MACROD2: variants seen among roughly 807,000 people sequenced by gnomAD.
MACROD2 encodes ADP-ribose glycohydrolase MACROD2.
In MACROD2, 36 loss-of-function variants were observed where a neutral mutation model predicts 70.4. The observed-to-expected ratio is 0.51, with a 90% CI of 0.39 to 0.68. MACROD2 has a LOEUF of 0.68. Among genes scored for constraint, MACROD2 ranks in the 30% least tolerant of loss-of-function variants. MACROD2 has a pLI of 0.00. For synonymous variants in MACROD2, 172 were observed against 178.8 expected (o/e 0.96, Z 0.30); for missense variants, 496 against 538.4 (o/e 0.92, Z 0.78).
intron 5 of MACROD2, among the ~76,000 whole-genome samples, chr20:14,956,186 G>T (rs567834707): frequency 6.6e-6 from 1 of 152,192 alleles, no homozygotes; most frequent in African/African-American, 2.4e-5. Context: ...TTGTTTACTT[G>T]CCCTATAACC....
chr20:14,625,338 AG>A (rs1984082200), intron 4 of MACROD2, among the ~76,000 whole-genome samples: 1 of 152,056 alleles, frequency 6.6e-6, no homozygotes, highest in Non-Finnish European at 1.5e-5. Context: ...AAAAAAAAGA[AG>A]AAAAAAAAGA....
intron 5 of MACROD2, among the ~76,000 whole-genome samples, chr20:14,972,182 C>A (rs2122804830): frequency 6.6e-6 from 1 of 152,344 alleles, no homozygotes. Context: ...GTAGGTAGAA[C>A]TGCCATAGTG....
At chr20:15,783,058 T>C (rs565036766) in intron 8 of MACROD2, among the ~76,000 whole-genome samples, 1 of 152,294 alleles carries the variant, frequency 6.6e-6, no homozygotes, top group East Asian at 1.9e-4. Context: ...AAATTTTCTT[T>C]TTTAGTTGCT....
intron 3 of MACROD2, among the ~76,000 whole-genome samples, chr20:14,487,049 A>G (rs2084743799): frequency 6.6e-6 from 1 of 152,204 alleles, no homozygotes; most frequent in African/African-American, 2.4e-5. Context: ...CATAGCAGTG[A>G]ACATCTCAGA....
chr20:14,938,003 GT>G (rs56254441), intron 5 of MACROD2, among the ~76,000 whole-genome samples: 16,060 of 135,708 alleles, frequency 0.12, 860 homozygotes, highest in East Asian at 0.2. Flanking sequence ...CAGATAACAA[GT>G]TTTTTTTTTT....
intron 8 of MACROD2, among the ~76,000 whole-genome samples, chr20:15,529,491 T>C (rs1204976958): frequency 6.6e-6 from 1 of 152,136 alleles, no homozygotes; most frequent in Non-Finnish European, 1.5e-5. Flanking sequence ...TAAACGTCTA[T>C]GTAAAGATCT....
At chr20:14,485,925 G>A (rs930225741) in intron 3 of MACROD2, among the ~76,000 whole-genome samples, 1 of 152,080 alleles carries the variant, frequency 6.6e-6, no homozygotes, top group African/African-American at 2.4e-5. Context: ...AATGGAAACA[G>A]AAGAACAGGG....
chr20:14,046,514 T>C (rs1007624511), intron 2 of MACROD2, among the ~76,000 whole-genome samples: 7 of 152,158 alleles, frequency 4.6e-5, no homozygotes, highest in African/African-American at 1.2e-4. Flanking sequence ...AGTATGCCTT[T>C]CTCCAGTAAC....
chr20:15,716,004 C>A (rs2050702873), intron 8 of MACROD2, among the ~76,000 whole-genome samples: 1 of 152,032 alleles, frequency 6.6e-6, no homozygotes, highest in Non-Finnish European at 1.5e-5. Flanking sequence ...ATTTTTACTC[C>A]AAATTATGCA....
chr20:14,143,943 A>G (rs937704025), intron 3 of MACROD2, among the ~76,000 whole-genome samples: 1 of 152,216 alleles, frequency 6.6e-6, no homozygotes, highest in Non-Finnish European at 1.5e-5. Flanking sequence ...AGTCAAAATA[A>G]TTAAGGTAAT....
intron 10 of MACROD2, among the ~76,000 whole-genome samples, chr20:15,902,739 A>C (rs367807755): frequency 6.6e-6 from 1 of 152,140 alleles, no homozygotes; most frequent in Non-Finnish European, 1.5e-5. Flanking sequence ...GCGCCAAGAT[A>C]TAAGTCATGT....
At chr20:15,563,446 A>C (rs1051581126) in intron 8 of MACROD2, among the ~76,000 whole-genome samples, 7 of 152,178 alleles carry the variant, frequency 4.6e-5, no homozygotes, top group African/African-American at 1.7e-4. Flanking sequence ...TTCTCTAAAC[A>C]TCTCTACTCT....
At chr20:14,944,528 A>G (rs1026532786) in intron 5 of MACROD2, among the ~76,000 whole-genome samples, 3 of 152,158 alleles carry the variant, frequency 2.0e-5, no homozygotes, top group African/African-American at 7.2e-5. Flanking sequence ...ATTTGACATC[A>G]TCCCATCTCT....
chr20:15,524,905 G>A (rs1314661736), intron 8 of MACROD2, among the ~76,000 whole-genome samples: 1 of 152,196 alleles, frequency 6.6e-6, no homozygotes, highest in East Asian at 1.9e-4. Flanking sequence ...CATTTCTATT[G>A]TCACTGAGGT....
At chr20:15,058,586 G>C (rs940197111) in intron 5 of MACROD2, among the ~76,000 whole-genome samples, 1 of 152,166 alleles carries the variant, frequency 6.6e-6, no homozygotes, top group Admixed American at 6.6e-5. Context: ...GTAGGTAGAA[G>C]ATGTTTTTCA....
At chr20:14,747,483 T>A (rs1436457840) in intron 5 of MACROD2, among the ~76,000 whole-genome samples, 1 of 152,064 alleles carries the variant, frequency 6.6e-6, no homozygotes, top group Non-Finnish European at 1.5e-5. Context: ...TAGATTAGAT[T>A]TAAAGGCTTC....
intron 12 of MACROD2, among the ~76,000 whole-genome samples, chr20:15,957,351 T>A (rs1257273803): frequency 2.6e-5 from 4 of 152,206 alleles, no homozygotes. Context: ...TTTTGGGAAA[T>A]TTTTTAGTAA....
At chr20:15,596,312 T>C (rs7265729) in intron 8 of MACROD2, among the ~76,000 whole-genome samples, 66,641 of 151,976 alleles carry the variant, frequency 0.44, 17,557 homozygotes, top group Admixed American at 0.59. Flanking sequence ...AATGCCTTCT[T>C]ATGGTGGGTG....
chr20:14,678,314 AAG>A (rs1316963117), intron 4 of MACROD2, among the ~76,000 whole-genome samples: 2 of 152,160 alleles, frequency 1.3e-5, no homozygotes, highest in East Asian at 1.9e-4. Flanking sequence ...CTAAAATTAC[AAG>A]AGTGTTTGGG....
Sources: gnomAD v4.1 joint callset for allele counts (sites outside exome capture counted in the v4.1 genomes callset) on GRCh38, gnomAD v4.1.1 for gene constraint, MANE v1.5 for transcripts, NCBI Gene and HGNC (gene_info 2026-07-23, HGNC 2026-07-21) for gene names.